The following MACROD2 variants were observed in gnomAD, a reference collection of about 807,000 sequenced individuals.
MACROD2 encodes the protein mono-ADP ribosylhydrolase 2.
In MACROD2, 36 loss-of-function variants were observed where a neutral mutation model predicts 70.4. The observed-to-expected ratio is 0.51, with a 90% CI of 0.39 to 0.68. The LOEUF is 0.68. Ranked by LOEUF, MACROD2 falls within the 30% of genes least tolerant of loss-of-function variation. The pLI, the probability that MACROD2 is intolerant of heterozygous loss-of-function variation, is 0.00. For synonymous variants in MACROD2, 172 were observed against 178.8 expected, an observed-to-expected ratio of 0.96 and a Z score of 0.30; for missense variants, 496 against 538.4, an observed-to-expected ratio of 0.92 and a Z score of 0.78.
At chr20:14,635,536 T>TA (rs200958999) in intron 4 of MACROD2, among the ~76,000 whole-genome samples, 3,566 of 152,258 alleles carry the variant, frequency 0.023, 61 homozygotes, top group Admixed American at 0.036. Context: ...AATACAAAGG[T>TA]AAAAAATGCA....
intron 3 of MACROD2, among the ~76,000 whole-genome samples, chr20:14,485,276 G>A (rs560873973): frequency 6.6e-6 from 1 of 152,216 alleles, no homozygotes; most frequent in Admixed American, 6.5e-5. Flanking sequence ...CTCAAACTTT[G>A]GAATCTCATA....
At chr20:14,282,847 A>T (rs1378282980) in intron 3 of MACROD2, among the ~76,000 whole-genome samples, 1 of 152,204 alleles carries the variant, frequency 6.6e-6, no homozygotes, top group Non-Finnish European at 1.5e-5. Context: ...GCACCAGGCC[A>T]TGAGGGATCT....
intron 5 of MACROD2, among the ~76,000 whole-genome samples, chr20:14,919,102 T>G (rs2122629524): frequency 6.6e-6 from 1 of 152,282 alleles, no homozygotes; most frequent in Admixed American, 6.5e-5. Context: ...ATGTGAAAAC[T>G]CTCACTCTCT....
intron 5 of MACROD2, among the ~76,000 whole-genome samples, chr20:14,852,130 A>T (rs901655934): frequency 3.9e-5 from 6 of 152,116 alleles, no homozygotes; most frequent in Non-Finnish European, 7.4e-5. Context: ...TCCATGAGGG[A>T]TGGGAGCAGG....
chr20:14,586,728 C>G (rs1349749031), intron 4 of MACROD2, among the ~76,000 whole-genome samples: 1 of 151,960 alleles, frequency 6.6e-6, no homozygotes, highest in Non-Finnish European at 1.5e-5. Context: ...CATTTAGTCT[C>G]CCAAAGTTTT....
chr20:15,027,176 T>C (rs577853673), intron 5 of MACROD2, among the ~76,000 whole-genome samples: 24 of 152,152 alleles, frequency 1.6e-4, no homozygotes, highest in Non-Finnish European at 3.1e-4. Context: ...ACTTTCATCT[T>C]TATATGTTTA....
chr20:14,707,566 T>C (rs1455428299), intron 5 of MACROD2, among the ~76,000 whole-genome samples: 3 of 152,148 alleles, frequency 2.0e-5, no homozygotes, highest in African/African-American at 7.2e-5. Flanking sequence ...AGAGTGTGTT[T>C]CCTCTATGAG....
intron 3 of MACROD2, among the ~76,000 whole-genome samples, chr20:14,180,439 A>G (rs1388925445): frequency 1.3e-5 from 2 of 152,164 alleles, no homozygotes; most frequent in African/African-American, 4.8e-5. Context: ...TGGTTAAACT[A>G]GAATAGTATA....
At chr20:14,231,345 G>A (rs2122205946) in intron 3 of MACROD2, among the ~76,000 whole-genome samples, 1 of 151,950 alleles carries the variant, frequency 6.6e-6, no homozygotes, top group Admixed American at 6.5e-5. Context: ...GTGTCCATGT[G>A]TTCTCATTGT....
chr20:15,626,655 G>T (rs945498912), intron 8 of MACROD2, among the ~76,000 whole-genome samples: 1 of 152,192 alleles, frequency 6.6e-6, no homozygotes. Flanking sequence ...AGGAGTTTGA[G>T]ACCAGCTTGG....
intron 4 of MACROD2, among the ~76,000 whole-genome samples, chr20:14,682,631 T>G (rs956667293): frequency 6.6e-6 from 1 of 152,104 alleles, no homozygotes; most frequent in Non-Finnish European, 1.5e-5. Flanking sequence ...GCTGGTCTAT[T>G]CATTTTAAGT....
chr20:14,563,498 C>A (rs148130899), intron 4 of MACROD2, among the ~76,000 whole-genome samples: 1 of 151,896 alleles, frequency 6.6e-6, no homozygotes, highest in Non-Finnish European at 1.5e-5. Flanking sequence ...AGAAACTGGA[C>A]ATCAAGGAGT....
chr20:15,961,665 A>G (rs2066063917), intron 12 of MACROD2, among the ~76,000 whole-genome samples: 1 of 152,226 alleles, frequency 6.6e-6, no homozygotes, highest in Non-Finnish European at 1.5e-5. Flanking sequence ...TCTTTCAGTA[A>G]TACAGTCACC....
At chr20:14,210,123 T>G (rs2081558661) in intron 3 of MACROD2, among the ~76,000 whole-genome samples, 3 of 152,330 alleles carry the variant, frequency 2.0e-5, no homozygotes, top group Admixed American at 2.0e-4. Context: ...CCACATGTAC[T>G]GAGAATCGCT....
chr20:14,638,943 AT>A (rs1038229008), intron 4 of MACROD2, among the ~76,000 whole-genome samples: 1 of 143,682 alleles, frequency 7.0e-6, no homozygotes, highest in Non-Finnish European at 1.5e-5. Flanking sequence ...GAGCAAGACT[AT>A]GTCTCAAAAA....
At chr20:15,621,486 A>G (rs2049125299) in intron 8 of MACROD2, among the ~76,000 whole-genome samples, 1 of 152,216 alleles carries the variant, frequency 6.6e-6, no homozygotes, top group South Asian at 2.1e-4. Flanking sequence ...AAATATAAAA[A>G]CTTCCTCTAA....
chr20:14,509,668 C>T (rs2085007555), intron 4 of MACROD2, among the ~76,000 whole-genome samples: 1 of 151,872 alleles, frequency 6.6e-6, no homozygotes, highest in South Asian at 2.1e-4. Context: ...ACTTCCTACT[C>T]CTCACATTTA....
intron 3 of MACROD2, among the ~76,000 whole-genome samples, chr20:14,280,705 A>G (rs1161450436): frequency 2.0e-5 from 3 of 152,166 alleles, no homozygotes; most frequent in Non-Finnish European, 4.4e-5. Context: ...GCAATAAAAC[A>G]TTTCACCTTT....
At chr20:14,842,176 C>T (rs943791725) in intron 5 of MACROD2, among the ~76,000 whole-genome samples, 1 of 152,022 alleles carries the variant, frequency 6.6e-6, no homozygotes, top group Non-Finnish European at 1.5e-5. Context: ...GGAAATGTGG[C>T]CTAACTCCCT....
Sources: allele counts gnomAD v4.1 joint callset (sites outside exome capture counted in the v4.1 genomes callset), GRCh38; gene constraint gnomAD v4.1.1; transcripts MANE v1.5; gene names NCBI Gene and HGNC (gene_info 2026-07-23, HGNC 2026-07-21).